SLC1A2: variants seen among roughly 807,000 people sequenced by gnomAD.
The protein encoded by SLC1A2 is excitatory amino acid transporter 2.
Under a neutral mutation model 48.8 loss-of-function variants are expected in SLC1A2, and 15 were observed. The observed-to-expected ratio is 0.31, with a 90% CI of 0.21 to 0.47. The LOEUF (loss-of-function observed/expected upper bound fraction) is 0.47, where lower values mean the gene tolerates loss of function less well. Among genes scored for constraint, SLC1A2 ranks in the 20% least tolerant of loss-of-function variants. The pLI, the probability that SLC1A2 is intolerant of heterozygous loss-of-function variation, is 0.99. For missense variants in SLC1A2, 502 were observed against 730.5 expected, an observed-to-expected ratio of 0.69 and a Z score of 3.61; for synonymous variants, 279 against 272.6, an observed-to-expected ratio of 1.02 and a Z score of -0.23.
chr11:35,269,015 CGAA>C (rs1850188650), intron 9 of SLC1A2, among the ~76,000 whole-genome samples: 1 of 152,168 alleles, frequency 6.6e-6, no homozygotes, highest in Non-Finnish European at 1.5e-5. Context: ...ATTCATATGA[CGAA>C]ACCTAATCAT....
intron 1 of SLC1A2, 199 bp downstream of exon 1, chr11:35,418,751 C>A: frequency 1.7e-6 from 1 of 581,896 alleles, no homozygotes; most frequent in Non-Finnish European, 3.1e-6. Flanking sequence ...CCACCTCTCG[C>A]ATTTTCAAAG....
At chr11:35,338,938 T>A (rs1429989855) in intron 1 of SLC1A2, among the ~76,000 whole-genome samples, 1 of 152,192 alleles carries the variant, frequency 6.6e-6, no homozygotes, top group Non-Finnish European at 1.5e-5. Context: ...GGGGTCAGCA[T>A]CTAGAGCTCT....
At chr11:35,411,916 T>A (rs537764827) in intron 1 of SLC1A2, among the ~76,000 whole-genome samples, 24 of 152,230 alleles carry the variant, frequency 1.6e-4, no homozygotes, top group African/African-American at 5.3e-4. Context: ...CTGTCCTTCT[T>A]AAGGCATTGC....
intron 1 of SLC1A2, among the ~76,000 whole-genome samples, chr11:35,370,767 G>T (rs1019037078): frequency 1.3e-5 from 2 of 152,178 alleles, no homozygotes; most frequent in Non-Finnish European, 2.9e-5. Flanking sequence ...GAACTGGATG[G>T]CAGAAAGTGA....
chr11:35,261,594 TG>T, intron 10 of SLC1A2: 1 of 398,222 alleles, frequency 2.5e-6, no homozygotes, highest in Non-Finnish European at 4.4e-6. Flanking sequence ...TATGCTTCCC[TG>T]GCTCAAAGTG....
chr11:35,383,914 C>G (rs1334140528), intron 1 of SLC1A2, among the ~76,000 whole-genome samples: 4 of 152,154 alleles, frequency 2.6e-5, no homozygotes, highest in African/African-American at 7.2e-5. Context: ...CCCTCTAGAT[C>G]CCTTCCATGG....
intron 9 of SLC1A2, among the ~76,000 whole-genome samples, chr11:35,276,069 T>G (rs1028604479): frequency 6.6e-6 from 1 of 152,246 alleles, no homozygotes; most frequent in Non-Finnish European, 1.5e-5. Flanking sequence ...AAAGGAATGC[T>G]CGTGCTTATT....
At chr11:35,380,609 G>A (rs1383140397) in intron 1 of SLC1A2, 2 of 391,600 alleles carry the variant, frequency 5.1e-6, no homozygotes, top group Non-Finnish European at 4.5e-6. Context: ...AATCAATTCT[G>A]TTCCATCAGG....
In SLC1A2 at chr11:35,402,198, T is replaced by G. The variant is rs542708051; in HGVS notation, c.17+16752A>C. 1.1e-4 allele frequency among the ~76,000 whole-genome samples: 16 copies of G among 152,240 alleles called. 1 individual carries two copies. Among genetic ancestry groups the G allele is most frequent in the African/African-American group, 3.9e-4 (16 of 41,532 alleles). ...TGACCAGTGGCTGGGGGCCCCTAGA[T>G]AGCTTCAGGATGGGGACTGCTCACC... On this transcript the variant is annotated intron_variant, in intron 1 of 10. Coordinates refer to ENST00000278379, the MANE Select transcript of SLC1A2 (RefSeq NM_004171.4).
chr11:35,294,203 T>C (rs74560520), intron 6 of SLC1A2, among the ~76,000 whole-genome samples: 3,921 of 152,292 alleles, frequency 0.026, 77 homozygotes, highest in Non-Finnish European at 0.04. Flanking sequence ...CAACATATTC[T>C]CTCAAGAGGA....
At chr11:35,358,960 C>A (rs1885344) in intron 1 of SLC1A2, among the ~76,000 whole-genome samples, 27,233 of 152,136 alleles carry the variant, frequency 0.18, 3,132 homozygotes, top group African/African-American at 0.31. Context: ...TATCTTATGC[C>A]TTTAGTACTA....
At chr11:35,271,797 A>G (rs113012093) in intron 9 of SLC1A2, among the ~76,000 whole-genome samples, 3,876 of 152,224 alleles carry the variant, frequency 0.025, 166 homozygotes, top group African/African-American at 0.088. Context: ...GAGCCATGAT[A>G]GCGCCACTGC....
chr11:35,372,314 AT>A (rs1854089025), intron 1 of SLC1A2, among the ~76,000 whole-genome samples: 1 of 152,190 alleles, frequency 6.6e-6, no homozygotes, highest in South Asian at 2.1e-4. Context: ...TGATGGCTTC[AT>A]TCTGCTATGC....
Position 35,260,810 on chromosome 11 carries a change from T to G in SLC1A2, c.*84A>C, listed in dbSNP as rs1025723572. ...CATAGAAATATACGCATTTTTTTCC[T>G]TTTTAAAGAAAGCTTGTTTATATCA... On this transcript the variant is annotated 3_prime_UTR_variant, in exon 11 of 11. Coordinates refer to ENST00000278379, the MANE Select transcript of SLC1A2 (RefSeq NM_004171.4). 2.9e-6 allele frequency: 3 copies of G among 1,041,740 alleles called. No individual in the cohort carries two copies. Among genetic ancestry groups the G allele is most frequent in the Non-Finnish European group, 4.5e-6 (3 of 666,622 alleles). 64.5% of individuals were successfully genotyped at this position (1,041,740 alleles called of 1,614,324 possible).
At chr11:35,351,029 C>T (rs1853230991) in intron 1 of SLC1A2, among the ~76,000 whole-genome samples, 1 of 152,206 alleles carries the variant, frequency 6.6e-6, no homozygotes, top group South Asian at 2.1e-4. Flanking sequence ...AATCAGCTGA[C>T]CCAGTCCTTG....
At chr11:35,386,336 T>C (rs1328518644) in intron 1 of SLC1A2, among the ~76,000 whole-genome samples, 2 of 152,162 alleles carry the variant, frequency 1.3e-5, no homozygotes, top group Admixed American at 6.5e-5. Flanking sequence ...CTCACTCTTT[T>C]ATTGTGCCAG....
intron 1 of SLC1A2, among the ~76,000 whole-genome samples, chr11:35,394,376 G>T (rs1854885942): frequency 6.6e-6 from 1 of 152,066 alleles, no homozygotes; most frequent in Non-Finnish European, 1.5e-5. Context: ...GTCCACAGAT[G>T]GGGGGACACA....
intron 1 of SLC1A2, among the ~76,000 whole-genome samples, chr11:35,355,096 C>T (rs939108281): frequency 2.6e-5 from 4 of 152,068 alleles, no homozygotes; most frequent in Admixed American, 2.0e-4. Context: ...CATAGAAATA[C>T]AAACAAACAA....
chr11:35,340,200 T>G (rs1293592039), intron 1 of SLC1A2, among the ~76,000 whole-genome samples: 1 of 152,164 alleles, frequency 6.6e-6, no homozygotes, highest in Non-Finnish European at 1.5e-5. Context: ...CCTGTTCCTT[T>G]GGTGTCTGCC....
Sources: gnomAD v4.1 joint callset for allele counts (sites outside exome capture counted in the v4.1 genomes callset) on GRCh38, gnomAD v4.1.1 for gene constraint, MANE v1.5 for transcripts, NCBI Gene and HGNC (gene_info 2026-07-23, HGNC 2026-07-21) for gene names.